MYO18A: variants seen among roughly 807,000 people sequenced by gnomAD.
The protein encoded by MYO18A is myosin XVIIIA, also known as unconventional myosin-XVIIIa.
A neutral mutation model predicts 235.8 loss-of-function variants in MYO18A; 78 were observed. The observed-to-expected ratio is 0.33, with a 90% confidence interval of 0.28 to 0.40. MYO18A has a LOEUF of 0.40. Ranked by LOEUF, MYO18A falls within the 10% of genes least tolerant of loss-of-function variation. MYO18A has a pLI of 1.00. For synonymous variants in MYO18A, 977 were observed against 1,077.8 expected (o/e 0.91, Z 1.83); for missense variants, 2,215 against 2,699.3 (o/e 0.82, Z 3.98).
intron 31 of MYO18A, among the ~76,000 whole-genome samples, 175 bp from the exon 32 acceptor site, chr17:29,093,602 G>T (rs2066452627): frequency 6.6e-6 from 1 of 152,056 alleles, no homozygotes; most frequent in African/African-American, 2.4e-5. Context: ...AAAGCAGCCT[G>T]GGAGGGTGAG....
intron 2 of MYO18A, among the ~76,000 whole-genome samples, chr17:29,157,000 C>T (rs945608856): frequency 1.3e-5 from 2 of 152,200 alleles, no homozygotes; most frequent in African/African-American, 4.8e-5. Flanking sequence ...CAGCGTGGCC[C>T]TGAGCAACAC....
At chr17:29,105,758 A>T (rs1391563259) in intron 20 of MYO18A, among the ~76,000 whole-genome samples, 1 of 152,188 alleles carries the variant, frequency 6.6e-6, no homozygotes, top group Non-Finnish European at 1.5e-5. Flanking sequence ...ACGGCCAGAT[A>T]AGGAGGGGAC....
At chr17:29,175,131 T>A (rs147333928) in intron 1 of MYO18A, among the ~76,000 whole-genome samples, 111 of 152,236 alleles carry the variant, frequency 7.3e-4, no homozygotes, top group African/African-American at 2.2e-3. Flanking sequence ...TCTTTTTTTT[T>A]AAATAACAGA....
At position 29,121,651 on chromosome 17, in the gene MYO18A, G is replaced by T; in HGVS notation, c.1267C>A (p.His423Asn). 6.4e-7 allele frequency: 1 copy of T among 1,569,208 alleles called. No homozygotes were observed. Among genetic ancestry groups the T allele is most frequent in the African/African-American group, 1.4e-5 (1 of 73,932 alleles). The change falls in exon 5 of 42, where the codon CAC becomes AAC. Residue 423 changes from histidine to asparagine, a missense_variant. His to Asn is a moderately conservative substitution (Grantham distance 68, BLOSUM62 1). Coordinates refer to ENST00000527372, the MANE Select transcript of MYO18A (RefSeq NM_078471.4). This position sits in a 1 kb window ranked among gnomAD's most constrained non-coding sequence, Gnocchi z 4.2. ...LVYLNESSVL[H>N]TLRQRYGASL... Reference sequence around the variant, plus strand: ...GCGCCATAGCGCTGGCGCAAGGTGTGCAGGACGCTGGACTCATTGAGGTAC... The same window carrying T: ...GCGCCATAGCGCTGGCGCAAGGTGTTCAGGACGCTGGACTCATTGAGGTAC...
intron 36 of MYO18A, 36 bp from the exon 37 acceptor site, chr17:29,090,134 A>G: frequency 6.3e-7 from 1 of 1,597,460 alleles, no homozygotes. Flanking sequence ...GAAAGAACTG[A>G]GCCCAGAAAG....
chr17:29,116,426 C>A lies in MYO18A; in HGVS notation c.2050+18G>T, dbSNP rs943012461. 2 of 1,613,966 alleles carry A rather than the reference C, an allele frequency of 1.2e-6. No individual in the cohort carries two copies. Among genetic ancestry groups the A allele is most frequent in the Non-Finnish European group, 1.7e-6 (2 of 1,179,868 alleles). ...AATCACGGCAATTAGGGAAAGCTAA[C>A]AAGAAACAAGGTTTTACCTTCAGCA... On this transcript the variant is annotated intron_variant, in intron 11 of 41. Coordinates refer to ENST00000527372, the MANE Select transcript of MYO18A (RefSeq NM_078471.4).
chr17:29,084,307 T>G (rs557815592), intron 40 of MYO18A, among the ~76,000 whole-genome samples: 1 of 152,090 alleles, frequency 6.6e-6, no homozygotes, highest in African/African-American at 2.4e-5. Flanking sequence ...GATGGCAGGG[T>G]TGAAACACAC....
chr17:29,154,117 T>C (rs1270117874), intron 2 of MYO18A, among the ~76,000 whole-genome samples: 1 of 141,116 alleles, frequency 7.1e-6, no homozygotes, highest in Non-Finnish European at 1.6e-5. Flanking sequence ...TGTGTGTGTG[T>C]GTGTGCGCGC....
Position 29,074,995 on chromosome 17 carries a change from C to A in MYO18A, c.6021-81G>T. ...GCACGCCTTTGGTTCTGGAGGCCCA[C>A]AAAGCTGCGTCAGAGCACTCCCCAA... On this transcript the variant is annotated intron_variant, in intron 41 of 41. Coordinates refer to ENST00000527372, the MANE Select transcript of MYO18A (RefSeq NM_078471.4). The surrounding 1 kb of genome is among the most constrained non-coding windows in gnomAD (Gnocchi z 4.4). 2 of 1,556,900 alleles carry A rather than the reference C, an allele frequency of 1.3e-6. No homozygotes were observed. The highest frequency in any genetic ancestry group is 1.2e-5 in the South Asian group (1 of 85,202).
intron 2 of MYO18A, among the ~76,000 whole-genome samples, chr17:29,133,379 G>C (rs1488563737): frequency 6.6e-6 from 1 of 152,196 alleles, no homozygotes; most frequent in Non-Finnish European, 1.5e-5. Flanking sequence ...TGGCCAACTG[G>C]CCTGACTCCC....
At chr17:29,170,522 G>A (rs527561400) in intron 1 of MYO18A, among the ~76,000 whole-genome samples, 6 of 150,814 alleles carry the variant, frequency 4.0e-5, no homozygotes, top group South Asian at 2.1e-4. Context: ...CCCCTATCCC[G>A]GGCTGCAGTT....
intron 2 of MYO18A, chr17:29,131,442 C>T: frequency 1.0e-6 from 1 of 985,748 alleles, no homozygotes; most frequent in Non-Finnish European, 1.2e-6. Flanking sequence ...TCCTCTTTAA[C>T]CTGAGGGAGC....
chr17:29,175,176 G>A (rs2068495471), intron 1 of MYO18A, among the ~76,000 whole-genome samples: 1 of 151,624 alleles, frequency 6.6e-6, no homozygotes, highest in Non-Finnish European at 1.5e-5. Context: ...GGCTGATCTT[G>A]AACTCCTGGC....
At chr17:29,136,208 G>C (rs969226793) in intron 2 of MYO18A, among the ~76,000 whole-genome samples, 66 of 141,882 alleles carry the variant, frequency 4.7e-4, no homozygotes, top group Non-Finnish European at 8.0e-4. Flanking sequence ...TCCAGCCTGG[G>C]TGACCGAGTG....
At chr17:29,168,181 T>C (rs1195005882) in intron 1 of MYO18A, among the ~76,000 whole-genome samples, 1 of 101,478 alleles carries the variant, frequency 9.9e-6, no homozygotes, top group Non-Finnish European at 2.0e-5. Context: ...GAGGTGGGGG[T>C]GGGGTAGGGT....
intron 2 of MYO18A, chr17:29,131,490 C>T: frequency 1.1e-6 from 1 of 945,188 alleles, no homozygotes; most frequent in Non-Finnish European, 1.3e-6. Flanking sequence ...GCTGGGAGAC[C>T]CAGCACTAAA....
intron 2 of MYO18A, among the ~76,000 whole-genome samples, chr17:29,142,911 G>A (rs569261325): frequency 6.6e-6 from 1 of 152,356 alleles, no homozygotes; most frequent in African/African-American, 2.4e-5. Context: ...AGGTTCAAGC[G>A]ATTCTTGTGC....
Position 29,071,130 on chromosome 17 carries a change from TCA to T in MYO18A, c.*3638_*3639del, listed in dbSNP as rs2065880612. Reference sequence around the variant, plus strand: ...AAGACAAAAGAAGACCATTTAGGGGTCACTGCCTGCCACTTTATTTTCTGGGC... The same window carrying T: ...AAGACAAAAGAAGACCATTTAGGGGTCTGCCTGCCACTTTATTTTCTGGGC... On this transcript the variant is annotated 3_prime_UTR_variant, in exon 42 of 42. Transcript: ENST00000527372. 6.6e-6 allele frequency: 1 copy of T among 152,152 alleles called. No individual in the cohort carries two copies. The highest frequency in any genetic ancestry group is 2.4e-5 in the African/African-American group (1 of 41,408). The allele number at this position is 152,152 out of a possible 1,614,324, so 9.4% of individuals were successfully genotyped here.
In MYO18A at chr17:29,110,013, C is replaced by T. The variant is rs761372603; in HGVS notation, c.3176G>A (p.Arg1059His). 2.7e-5 allele frequency: 43 copies of T among 1,612,584 alleles called. No homozygotes were observed. Among genetic ancestry groups the T allele is most frequent in the African/African-American group, 6.7e-5 (5 of 74,930 alleles). Residue 1059 changes from arginine to histidine, a missense_variant, in exon 19 of 42, where the codon CGT (arginine) becomes CAT (histidine). Transcript: ENST00000527372. Reference sequence around the variant, plus strand: ...GCTGACTCGGCGGGAGGAGGCGGAACGGGGCTCCCCAGCCCAGCCCTCAGC... The same window carrying T: ...GCTGACTCGGCGGGAGGAGGCGGAATGGGGCTCCCCAGCCCAGCCCTCAGC... ...PVAEGWAGEP[R>H]SASSRRVSSS...
Sources: allele counts gnomAD v4.1 joint callset (sites outside exome capture counted in the v4.1 genomes callset), GRCh38; gene constraint gnomAD v4.1.1; non-coding constraint Gnocchi (gnomAD v3.1); transcripts MANE v1.5; gene names NCBI Gene and HGNC (gene_info 2026-07-23, HGNC 2026-07-21).